Variants in TNFRSF1B observed in about 807,000 individuals in gnomAD.
TNFRSF1B encodes tumor necrosis factor receptor superfamily member 1B.
In TNFRSF1B, 19 loss-of-function variants were observed where a neutral mutation model predicts 44.6. That is an observed-to-expected ratio of 0.43 (90% confidence interval 0.30 to 0.62). The LOEUF (loss-of-function observed/expected upper bound fraction) is 0.62. TNFRSF1B is among the 20% of genes least tolerant of loss of function. TNFRSF1B has a pLI of 0.16. For missense variants in TNFRSF1B, 541 were observed against 619.9 expected (o/e 0.87, Z 1.35); for synonymous variants, 252 against 261.1 (o/e 0.97, Z 0.34).
chr1:12,194,117 C>A, intron 7 of TNFRSF1B, 85 bp downstream of exon 7: 1 of 1,110,890 alleles, frequency 9.0e-7, no homozygotes, highest in Non-Finnish European at 1.4e-6. Flanking sequence ...CTGGGCACAG[C>A]CTTAGGGGTC....
rs1638985802 is a variant in TNFRSF1B at position 12,186,273 on chromosome 1, A to G, written c.79-2523A>G. Among the ~76,000 whole-genome samples the G allele has an allele frequency of 6.6e-6, 1 of 152,178 alleles. No homozygotes were observed. The highest frequency in any genetic ancestry group is 6.5e-5 in the Admixed American group (1 of 15,288). ...TTGTCACTCGCTATAGGTGCAGCCA[A>G]ACGCTCAGCAGGCCCAAACTCTGGG... On this transcript the variant is annotated intron_variant, in intron 1 of 9. Coordinates refer to ENST00000376259, the MANE Select transcript of TNFRSF1B (RefSeq NM_001066.3). This position sits in a 1 kb window ranked among gnomAD's most constrained non-coding sequence, Gnocchi z 4.8.
intron 1 of TNFRSF1B, among the ~76,000 whole-genome samples, chr1:12,185,043 C>T (rs992003376): frequency 1.3e-5 from 2 of 152,194 alleles, no homozygotes; most frequent in African/African-American, 4.8e-5. Context: ...CAGCAGCAGC[C>T]TTCAGGGAAG....
chr1:12,170,320 C>G (rs1040822107), intron 1 of TNFRSF1B, among the ~76,000 whole-genome samples: 6 of 152,222 alleles, frequency 3.9e-5, no homozygotes, highest in African/African-American at 1.4e-4. Context: ...CCTCACAGAC[C>G]TGGGCTCTGT....
chr1:12,176,977 G>A (rs12568440), intron 1 of TNFRSF1B, among the ~76,000 whole-genome samples: 1 of 141,422 alleles, frequency 7.1e-6, no homozygotes, highest in East Asian at 2.0e-4. Context: ...CCTGTCCTGA[G>A]CCCTGAGCCC....
At chr1:12,172,626 T>G (rs1638547035) in intron 1 of TNFRSF1B, among the ~76,000 whole-genome samples, 1 of 152,222 alleles carries the variant, frequency 6.6e-6, no homozygotes, top group South Asian at 2.1e-4. Flanking sequence ...CTAAGTGGCT[T>G]TGTTGCCCAT....
In TNFRSF1B at chr1:12,199,494, G is replaced by A. The variant is rs892194370; in HGVS notation, c.901-2473G>A. On this transcript the variant is annotated intron_variant, in intron 8 of 9. Transcript: ENST00000376259. This position sits in a 1 kb window ranked among gnomAD's most constrained non-coding sequence, Gnocchi z 4.0. Reference sequence around the variant, plus strand: ...TTCTCTGGGCCTCCGTGGCCTCTTGGGGATGGCTTGCACGAGATCCCTCCA... The same window carrying A: ...TTCTCTGGGCCTCCGTGGCCTCTTGAGGATGGCTTGCACGAGATCCCTCCA... Among the ~76,000 whole-genome samples, 60 of 152,228 alleles carry A rather than the reference G, an allele frequency of 3.9e-4. No homozygotes were observed. The highest frequency in any genetic ancestry group is 1.4e-3 in the African/African-American group (57 of 41,456).
At chr1:12,174,059 C>T (rs1201496784) in intron 1 of TNFRSF1B, among the ~76,000 whole-genome samples, 1 of 152,100 alleles carries the variant, frequency 6.6e-6, no homozygotes, top group African/African-American at 2.4e-5. Flanking sequence ...CTGGCTCTGC[C>T]CTTGCATCTA....
intron 2 of TNFRSF1B, 142 bp downstream of exon 2, chr1:12,189,037 G>T: frequency 1.5e-6 from 1 of 667,530 alleles, no homozygotes; most frequent in Admixed American, 3.2e-5. Flanking sequence ...CTGCTTCTGG[G>T]CCTGTGAACA....
rs975718434 is a variant in TNFRSF1B at position 12,206,764 on chromosome 1, C to G, written c.1130C>G (p.Thr377Ser). 2.5e-6 allele frequency: 4 copies of G among 1,600,156 alleles called. No individual in the cohort carries two copies. Among genetic ancestry groups the G allele is most frequent in the Non-Finnish European group, 3.4e-6 (4 of 1,170,112 alleles). Reference sequence around the variant, plus strand: ...GATTCTTCCCCTGGTGGCCATGGGACCCAGGTCAATGTCACCTGCATCGTG... The same window carrying G: ...GATTCTTCCCCTGGTGGCCATGGGAGCCAGGTCAATGTCACCTGCATCGTG... ...SSDSSPGGHG[T>S]QVNVTCIVNV... Residue 377 changes from threonine to serine, a missense_variant, in exon 10 of 10, where the codon ACC becomes AGC. Transcript: ENST00000376259.
Position 12,191,787 on chromosome 1 carries a change from T to C in TNFRSF1B, c.321T>C (p.Thr107=), listed in dbSNP as rs778072312. Residue 107 remains threonine, a synonymous_variant, in exon 4 of 10, where the codon ACT becomes ACC. Coordinates refer to ENST00000376259, the MANE Select transcript of TNFRSF1B (RefSeq NM_001066.3). ...TCGCTGCTCTAGACCAGGTGGAAACTCAAGCCTGCACTCGGGAACAGAACC... is the reference window on the plus strand; with the variant it reads ...TCGCTGCTCTAGACCAGGTGGAAACCCAAGCCTGCACTCGGGAACAGAACC... ...GSRCSSDQVE[T]QACTREQNRI... The C allele has an allele frequency of 5.6e-6, 9 of 1,613,502 alleles. No homozygotes were observed. The highest frequency in any genetic ancestry group is 3.3e-4 in the Middle Eastern group (2 of 5,972).
At position 12,196,162 on chromosome 1, in the gene TNFRSF1B, G is replaced by A. The variant is rs549967732; in HGVS notation, c.900+1544G>A. Among the ~76,000 whole-genome samples the A allele has an allele frequency of 3.9e-5, 6 of 152,084 alleles. No homozygotes were observed. The South Asian group carries it at 6.3e-4, about 16-fold the overall frequency. On this transcript the variant is annotated intron_variant, in intron 8 of 9. Coordinates refer to ENST00000376259, the MANE Select transcript of TNFRSF1B (RefSeq NM_001066.3). ...CTAAAAACAGAAAAATTAGCCAGGC[G>A]TGGTGGCACGTGCCTGTAGTCTCAG...
rs191420504 is a variant in TNFRSF1B at position 12,180,705 on chromosome 1, C to T, written c.79-8091C>T. Among the ~76,000 whole-genome samples, 143 of 152,268 alleles carry T rather than the reference C, an allele frequency of 9.4e-4. No homozygotes were observed. Among genetic ancestry groups the T allele is most frequent in the South Asian group, 3.7e-3 (18 of 4,824 alleles). The stretch of plus-strand genomic sequence containing the variant: ...GGGCGTGGGGTCAGAAGAGAGGGGA[C>T]GGTGTGCAGGGAGGGTGGAACCTGA... On this transcript the variant is annotated intron_variant, in intron 1 of 9. Coordinates refer to ENST00000376259, the MANE Select transcript of TNFRSF1B (RefSeq NM_001066.3). The surrounding 1 kb of genome is among the most constrained non-coding windows in gnomAD (Gnocchi z 4.3).
At chr1:12,183,459 TC>T (rs1638856061) in intron 1 of TNFRSF1B, among the ~76,000 whole-genome samples, 1 of 151,970 alleles carries the variant, frequency 6.6e-6, no homozygotes, top group Non-Finnish European at 1.5e-5. Context: ...TCTCTCTCTC[TC>T]TCTCTCTCTC....
At chr1:12,167,267 C>A in intron 1 of TNFRSF1B, 98 bp downstream of exon 1, 1 of 943,442 alleles carries the variant, frequency 1.1e-6, no homozygotes, top group Non-Finnish European at 1.4e-6. Context: ...TCCCGGGGCG[C>A]TGTCACGGGC....
At chr1:12,189,208 C>T (rs1639055641) in intron 2 of TNFRSF1B, among the ~76,000 whole-genome samples, 1 of 152,174 alleles carries the variant, frequency 6.6e-6, no homozygotes, top group Non-Finnish European at 1.5e-5. Context: ...AAATTAGCTC[C>T]TGGGGGAGTC....
chr1:12,181,938 G>T (rs1006674625), intron 1 of TNFRSF1B, among the ~76,000 whole-genome samples: 2 of 152,306 alleles, frequency 1.3e-5, no homozygotes, highest in South Asian at 2.1e-4. Context: ...ACCCAGGGCT[G>T]GTCCTTTTGC....
rs1365378442 is a variant in TNFRSF1B, at chr1:12,208,264, T to TAGCCATCTCTCTACTCCTACCTC, written c.*1249_*1271dup. 10 of 152,926 alleles carry TAGCCATCTCTCTACTCCTACCTC rather than the reference T, an allele frequency of 6.5e-5. No individual in the cohort carries two copies. The highest frequency in any genetic ancestry group is 2.4e-4 in the African/African-American group (10 of 41,568). 9.5% of individuals were successfully genotyped at this position (152,926 alleles called of 1,614,324 possible). A position where few individuals can be genotyped will look rare whatever the true frequency, so the allele number is the denominator to read the frequency against. On this transcript the variant is annotated 3_prime_UTR_variant, in exon 10 of 10. Transcript: ENST00000376259. ...GGAACTAGAGATGACTGAGTCCTCG[T>TAGCCATCTCTCTACTCCTACCTC]AGCCATCTCTCTACTCCTACCTCAG...
rs1477683674 is a variant in TNFRSF1B at position 12,192,471 on chromosome 1, G to C, written c.498G>C (p.Pro166=). The change falls in exon 5 of 10, where the codon CCG becomes CCC. Residue 166 remains proline, a synonymous_variant. Coordinates refer to ENST00000376259, the MANE Select transcript of TNFRSF1B (RefSeq NM_001066.3). ...ACGTGGTGTGCAAGCCCTGTGCCCC[G>C]GGGACGTTCTCCAACACGACTTCAT... ...TSDVVCKPCA[P]GTFSNTTSST... 9 of 1,613,968 alleles carry C rather than the reference G, an allele frequency of 5.6e-6. No individual in the cohort carries two copies. Among genetic ancestry groups the C allele is most frequent in the Non-Finnish European group, 7.6e-6 (9 of 1,180,000 alleles).
chr1:12,203,432 CCCTGCCTCTTG>C (rs1395525794), intron 9 of TNFRSF1B, among the ~76,000 whole-genome samples: 2 of 152,198 alleles, frequency 1.3e-5, no homozygotes, highest in Non-Finnish European at 2.9e-5. Flanking sequence ...CTCACTGCGC[CCCTGCCTCTTG>C]CCTGCACTCA....
Sources: gnomAD v4.1 joint callset for allele counts (sites outside exome capture counted in the v4.1 genomes callset) on GRCh38, gnomAD v4.1.1 for gene constraint, Gnocchi (gnomAD v3.1) non-coding constraint, MANE v1.5 for transcripts, NCBI Gene and HGNC (gene_info 2026-07-23, HGNC 2026-07-21) for gene names.